Variants in DPYD observed in about 807,000 individuals in gnomAD.
DPYD encodes dihydropyrimidine dehydrogenase, also known as dihydropyrimidine dehydrogenase [NADP(+)].
A neutral mutation model predicts 116.2 loss-of-function variants in DPYD; 109 were observed. The ratio of observed to expected loss-of-function variants is 0.94; its 90% CI spans 0.80 to 1.10. The LOEUF is 1.10. Among genes scored for constraint, DPYD ranks in the 50% least tolerant of loss-of-function variants. The pLI, the probability that DPYD is intolerant of heterozygous loss-of-function variation, is 0.00. For synonymous variants in DPYD, 440 were observed against 432.0 expected, an observed-to-expected ratio of 1.02 and a Z score of -0.23; for missense variants, 1,302 against 1,254.5, an observed-to-expected ratio of 1.04 and a Z score of -0.57.
chr1:97,616,909 C>T (rs978525517), intron 8 of DPYD, among the ~76,000 whole-genome samples: 6 of 151,710 alleles, frequency 4.0e-5, no homozygotes, highest in South Asian at 2.1e-4. Context: ...TTTTTTGAGA[C>T]GGAGTCTCCC....
chr1:97,590,381 G>A (rs749367032), intron 10 of DPYD, among the ~76,000 whole-genome samples: 16 of 152,026 alleles, frequency 1.1e-4, no homozygotes, highest in African/African-American at 3.9e-4. Flanking sequence ...GAAAGCCTTC[G>A]GTGCTGATTC....
At chr1:97,197,480 G>C (rs1209930219) in intron 19 of DPYD, among the ~76,000 whole-genome samples, 1 of 152,058 alleles carries the variant, frequency 6.6e-6, no homozygotes, top group East Asian at 1.9e-4. Flanking sequence ...CATGATTATT[G>C]TAAAATCCTG....
intron 8 of DPYD, among the ~76,000 whole-genome samples, chr1:97,620,583 T>C (rs936818155): frequency 2.0e-5 from 3 of 152,190 alleles, no homozygotes; most frequent in Non-Finnish European, 4.4e-5. Context: ...AAAATTAACT[T>C]TTTAAACATA....
At chr1:97,653,397 C>T (rs547963813) in intron 8 of DPYD, among the ~76,000 whole-genome samples, 32 of 151,590 alleles carry the variant, frequency 2.1e-4, no homozygotes, top group African/African-American at 5.8e-4. Flanking sequence ...CTCCGACTCC[C>T]GGGTTCAAGC....
At chr1:97,198,992 CTTTAGGTGCAGACGCA>C (rs2101839289) in intron 19 of DPYD, among the ~76,000 whole-genome samples, 1 of 152,254 alleles carries the variant, frequency 6.6e-6, no homozygotes, top group East Asian at 1.9e-4. Flanking sequence ...TGAATTTTTA[CTTTAGGTGCAGACGCA>C]TTTAATAGAG....
chr1:97,818,797 T>C (rs1332848451), intron 3 of DPYD, among the ~76,000 whole-genome samples: 1 of 151,970 alleles, frequency 6.6e-6, no homozygotes, highest in Non-Finnish European at 1.5e-5. Context: ...TATAAAGACA[T>C]ATACACACAT....
intron 2 of DPYD, among the ~76,000 whole-genome samples, chr1:97,864,699 A>G (rs1348245267): frequency 6.6e-6 from 1 of 151,944 alleles, no homozygotes; most frequent in African/African-American, 2.4e-5. Context: ...TCGAGAAGGA[A>G]GGTATCCACA....
chr1:97,638,392 G>A (rs1020980997), intron 8 of DPYD, among the ~76,000 whole-genome samples: 1 of 151,968 alleles, frequency 6.6e-6, no homozygotes, highest in Non-Finnish European at 1.5e-5. Flanking sequence ...GGTACTTGTG[G>A]CAAATCATTA....
chr1:97,652,880 C>G (rs76277277), intron 8 of DPYD, among the ~76,000 whole-genome samples: 2 of 152,106 alleles, frequency 1.3e-5, no homozygotes, highest in East Asian at 3.9e-4. Flanking sequence ...GTTATTTACT[C>G]TCTGCCTCCC....
At chr1:97,222,671 G>T (rs1363318334) in intron 19 of DPYD, among the ~76,000 whole-genome samples, 1 of 151,898 alleles carries the variant, frequency 6.6e-6, no homozygotes, top group East Asian at 1.9e-4. Context: ...TAAACTAAAA[G>T]CATTTTTTTC....
intron 2 of DPYD, among the ~76,000 whole-genome samples, chr1:97,863,443 T>C (rs2101598249): frequency 6.6e-6 from 1 of 152,044 alleles, no homozygotes; most frequent in South Asian, 2.1e-4. Flanking sequence ...TGCAGATATA[T>C]ACATAAGAAG....
chr1:97,656,706 C>T (rs187096869), intron 8 of DPYD, among the ~76,000 whole-genome samples: 2 of 152,116 alleles, frequency 1.3e-5, no homozygotes, highest in Non-Finnish European at 2.9e-5. Flanking sequence ...TAGAGATACA[C>T]TTGCATTTGG....
intron 16 of DPYD, among the ~76,000 whole-genome samples, chr1:97,345,941 A>C (rs1343530851): frequency 1.3e-5 from 2 of 151,960 alleles, no homozygotes; most frequent in Non-Finnish European, 2.9e-5. Context: ...AACTGTAAAA[A>C]TAGGTTTAAA....
intron 19 of DPYD, among the ~76,000 whole-genome samples, chr1:97,203,384 A>G (rs551346062): frequency 6.6e-6 from 1 of 151,930 alleles, no homozygotes; most frequent in South Asian, 2.1e-4. Flanking sequence ...ATCATTCACT[A>G]AAATACCAGA....
At chr1:97,731,951 T>C (rs182096507) in intron 4 of DPYD, among the ~76,000 whole-genome samples, 10 of 152,256 alleles carry the variant, frequency 6.6e-5, no homozygotes, top group Admixed American at 2.6e-4. Context: ...AATTTGTCTA[T>C]ACTATACACA....
chr1:97,104,313 C>T (rs192889798), intron 20 of DPYD, among the ~76,000 whole-genome samples: 1 of 151,982 alleles, frequency 6.6e-6, no homozygotes. Context: ...CTTTCAGAAA[C>T]AAATTAAAGT....
Position 97,444,757 on chromosome 1 carries a change from G to C in DPYD, c.1905+5302C>G, listed in dbSNP as rs76522568. On this transcript the variant is annotated intron_variant, in intron 14 of 22. Coordinates refer to ENST00000370192, the MANE Select transcript of DPYD (RefSeq NM_000110.4). ...GATTCCAATATCCAAACAGAATAGA[G>C]AGCTACTGGACATAGGTTCTTAACC... Among the ~76,000 whole-genome samples the C allele has an allele frequency of 9.1e-3, 1,384 of 152,178 alleles. 17 individuals carry two copies. Among genetic ancestry groups the C allele is most frequent in the Non-Finnish European group, 9.8e-3 (668 of 68,004 alleles).
At chr1:97,712,599 C>T (rs1399345722) in intron 5 of DPYD, among the ~76,000 whole-genome samples, 2 of 151,966 alleles carry the variant, frequency 1.3e-5, no homozygotes, top group African/African-American at 2.4e-5. Flanking sequence ...TTCTCATTTA[C>T]GTTGAGTGAA....
chr1:97,919,731 A>G (rs936405649), intron 1 of DPYD, among the ~76,000 whole-genome samples: 1 of 152,176 alleles, frequency 6.6e-6, no homozygotes, highest in Non-Finnish European at 1.5e-5. Flanking sequence ...CAATATCAAA[A>G]AGTCAACTCT....
Sources: allele counts gnomAD v4.1 joint callset (sites outside exome capture counted in the v4.1 genomes callset), GRCh38; gene constraint gnomAD v4.1.1; transcripts MANE v1.5; gene names NCBI Gene and HGNC (gene_info 2026-07-23, HGNC 2026-07-21).